Variants in NDFIP2 observed in about 807,000 individuals in gnomAD.
NDFIP2 encodes NEDD4 family-interacting protein 2.
Under a neutral mutation model 36.0 loss-of-function variants are expected in NDFIP2, and 19 were observed. That is an observed-to-expected ratio of 0.53 (90% CI 0.37 to 0.77). NDFIP2 has a LOEUF of 0.77. NDFIP2 is among the 30% of genes least tolerant of loss of function. NDFIP2 has a pLI of 0.00. For missense variants in NDFIP2, 446 were observed against 435.8 expected (o/e 1.02, Z -0.21); for synonymous variants, 181 against 167.7 (o/e 1.08, Z -0.61).
intron 1 of NDFIP2, among the ~76,000 whole-genome samples, chr13:79,502,890 G>A (rs1195850575): frequency 6.9e-6 from 1 of 145,330 alleles, no homozygotes; most frequent in South Asian, 2.2e-4. Context: ...CTGGGGGGAG[G>A]TTTTTTTTTT....
chr13:79,538,121 C>T (rs910616515), intron 3 of NDFIP2, among the ~76,000 whole-genome samples: 1 of 152,156 alleles, frequency 6.6e-6, no homozygotes, highest in Non-Finnish European at 1.5e-5. Flanking sequence ...CACTCACTCT[C>T]ATGAGAACAG....
chr13:79,511,750 A>G (rs936409097), intron 1 of NDFIP2, among the ~76,000 whole-genome samples: 2 of 152,178 alleles, frequency 1.3e-5, no homozygotes, highest in Admixed American at 6.5e-5. Flanking sequence ...AGATGAACAA[A>G]GCATATTTCC....
At chr13:79,543,775 G>T in intron 5 of NDFIP2, 93 bp downstream of exon 5, 1 of 1,466,798 alleles carries the variant, frequency 6.8e-7, no homozygotes, top group Non-Finnish European at 9.3e-7. Context: ...TTATTTTCAT[G>T]AATTCAGTTA....
Position 79,490,322 on chromosome 13 carries a change from A to G in NDFIP2, c.321+8798A>G, listed in dbSNP as rs80253745. 6.7e-3 allele frequency among the ~76,000 whole-genome samples: 1,026 copies of G among 152,300 alleles called. 16 individuals carry two copies. The highest frequency in any genetic ancestry group is 0.023 in the African/African-American group (949 of 41,556). The stretch of plus-strand genomic sequence containing the variant: ...TAGAGATAAAATTATTAAGAATTTT[A>G]AGACAGTGATCACAGGGTATTAAAC... On this transcript the variant is annotated intron_variant, in intron 1 of 7. Transcript: ENST00000218652.
intron 4 of NDFIP2, among the ~76,000 whole-genome samples, chr13:79,540,811 G>T (rs551951073): frequency 2.0e-5 from 3 of 152,108 alleles, no homozygotes; most frequent in Admixed American, 6.5e-5. Flanking sequence ...AGGGCAGACA[G>T]CTCCTCAAAT....
At chr13:79,506,994 A>T (rs576928964) in intron 1 of NDFIP2, among the ~76,000 whole-genome samples, 1 of 152,234 alleles carries the variant, frequency 6.6e-6, no homozygotes, top group South Asian at 2.1e-4. Flanking sequence ...AGTATTTTTT[A>T]AAACTGCATG....
At chr13:79,495,216 G>A (rs1873391273) in intron 1 of NDFIP2, among the ~76,000 whole-genome samples, 1 of 151,850 alleles carries the variant, frequency 6.6e-6, no homozygotes, top group Non-Finnish European at 1.5e-5. Flanking sequence ...TGCATATAGT[G>A]TTCTAAAAAT....
At chr13:79,543,845 C>G (rs778841943) in intron 5 of NDFIP2, among the ~76,000 whole-genome samples, 163 bp downstream of exon 5, 2 of 152,130 alleles carry the variant, frequency 1.3e-5, no homozygotes, top group Non-Finnish European at 1.5e-5. Flanking sequence ...GTGGTATGAA[C>G]ACTTTATAAC....
At chr13:79,530,632 C>T (rs1874978661) in intron 2 of NDFIP2, among the ~76,000 whole-genome samples, 1 of 152,188 alleles carries the variant, frequency 6.6e-6, no homozygotes, top group East Asian at 1.9e-4. Flanking sequence ...GTCATTTCAA[C>T]GATGTTCACA....
chr13:79,534,188 A>T (rs1250064988), intron 3 of NDFIP2, among the ~76,000 whole-genome samples: 6 of 152,052 alleles, frequency 3.9e-5, no homozygotes, highest in Non-Finnish European at 7.4e-5. Flanking sequence ...TTATCTTCTT[A>T]CATAGTTTGA....
At chr13:79,497,793 GGGGTGTGTGTGTGTGTGT>G (rs1873499195) in intron 1 of NDFIP2, among the ~76,000 whole-genome samples, 1 of 92,866 alleles carries the variant, frequency 1.1e-5, no homozygotes, top group Non-Finnish European at 2.4e-5. Flanking sequence ...TTATCTGTGG[GGGGTGTGTGTGTGTGTGT>G]GTGTGTGTGT....
At chr13:79,500,635 A>G (rs561821423) in intron 1 of NDFIP2, among the ~76,000 whole-genome samples, 1 of 152,132 alleles carries the variant, frequency 6.6e-6, no homozygotes, top group Non-Finnish European at 1.5e-5. Flanking sequence ...ACCTGTTACG[A>G]TGGCCCAAAT....
chr13:79,486,141 A>C (rs551068871), intron 1 of NDFIP2, among the ~76,000 whole-genome samples: 11 of 152,292 alleles, frequency 7.2e-5, no homozygotes, highest in African/African-American at 2.6e-4. Context: ...ACGTATATGC[A>C]ATATTCCAAA....
intron 6 of NDFIP2, among the ~76,000 whole-genome samples, chr13:79,550,089 A>C (rs1399235227): frequency 2.0e-5 from 3 of 151,738 alleles, no homozygotes; most frequent in African/African-American, 7.3e-5. Context: ...CATACAGTAG[A>C]TATCTTCTGT....
chr13:79,510,367 A>G (rs909379307), intron 1 of NDFIP2, among the ~76,000 whole-genome samples: 10 of 149,056 alleles, frequency 6.7e-5, no homozygotes, highest in African/African-American at 2.5e-4. Flanking sequence ...AGGTGAGCCC[A>G]TGGTGATTTT....
intron 2 of NDFIP2, among the ~76,000 whole-genome samples, chr13:79,521,591 AAAT>A (rs1483540477): frequency 1.3e-5 from 2 of 152,134 alleles, no homozygotes; most frequent in Admixed American, 6.5e-5. Flanking sequence ...TTAACAGAAA[AAAT>A]TTTTCACTAG....
chr13:79,534,244 T>C (rs2137102312), intron 3 of NDFIP2, among the ~76,000 whole-genome samples: 1 of 152,262 alleles, frequency 6.6e-6, no homozygotes, highest in Admixed American at 6.5e-5. Flanking sequence ...TTTTTTCTAT[T>C]TATGTTTCTA....
At chr13:79,547,460 A>G (rs185461131) in intron 5 of NDFIP2, among the ~76,000 whole-genome samples, 244 of 152,330 alleles carry the variant, frequency 1.6e-3, no homozygotes, top group Middle Eastern at 0.014. Context: ...AGTAGGTTAT[A>G]TTAAACACTT....
intron 7 of NDFIP2, among the ~76,000 whole-genome samples, chr13:79,551,671 T>C (rs1875914741): frequency 6.6e-6 from 1 of 151,512 alleles, no homozygotes; most frequent in Non-Finnish European, 1.5e-5. Context: ...TTATCAACTA[T>C]GAAGGCTACA....
Sources: gnomAD v4.1 joint callset for allele counts (sites outside exome capture counted in the v4.1 genomes callset) on GRCh38, gnomAD v4.1.1 for gene constraint, MANE v1.5 for transcripts, NCBI Gene and HGNC (gene_info 2026-07-23, HGNC 2026-07-21) for gene names.